Variants in PDE10A observed in about 807,000 individuals in gnomAD.
The protein encoded by PDE10A is cAMP and cAMP-inhibited cGMP 3',5'-cyclic phosphodiesterase 10A.
Under a neutral mutation model 97.7 loss-of-function variants are expected in PDE10A, and 39 were observed. The observed-to-expected ratio is 0.40, with a 90% CI of 0.31 to 0.52. PDE10A has a LOEUF of 0.52. PDE10A is among the 20% of genes least tolerant of loss of function. The pLI is 0.56. For missense variants in PDE10A, 731 were observed against 1,047.8 expected (o/e 0.70, Z 4.17); for synonymous variants, 371 against 376.8 (o/e 0.98, Z 0.18).
intron 2 of PDE10A, among the ~76,000 whole-genome samples, chr6:165,526,740 C>G (rs1476418042): frequency 6.6e-6 from 1 of 152,208 alleles, no homozygotes; most frequent in African/African-American, 2.4e-5. Flanking sequence ...ATTAACACAT[C>G]TCCTGGTACC....
At chr6:165,723,196 G>T (rs558780440) in intron 1 of PDE10A, among the ~76,000 whole-genome samples, 1 of 152,250 alleles carries the variant, frequency 6.6e-6, no homozygotes, top group Non-Finnish European at 1.5e-5. Context: ...CATGCACTTG[G>T]AGGCACCAGG....
intron 12 of PDE10A, among the ~76,000 whole-genome samples, chr6:165,414,657 CAT>C (rs1788174722): frequency 1.3e-5 from 2 of 152,182 alleles, no homozygotes; most frequent in Admixed American, 1.3e-4. Flanking sequence ...ACTGTAGCAC[CAT>C]ATGTTTTCAT....
intron 15 of PDE10A, among the ~76,000 whole-genome samples, chr6:165,394,513 T>C (rs775213936): frequency 6.6e-6 from 1 of 152,162 alleles, no homozygotes; most frequent in African/African-American, 2.4e-5. Flanking sequence ...TTATGAACAG[T>C]GCCACAATAA....
At chr6:165,838,973 C>T (rs749739325) in intron 1 of PDE10A, among the ~76,000 whole-genome samples, 1 of 152,180 alleles carries the variant, frequency 6.6e-6, no homozygotes, top group Admixed American at 6.5e-5. Flanking sequence ...AATCAGGAAC[C>T]GTGACTGGTG....
intron 1 of PDE10A, among the ~76,000 whole-genome samples, chr6:165,805,746 A>G (rs1779119486): frequency 6.6e-6 from 1 of 152,118 alleles, no homozygotes; most frequent in Non-Finnish European, 1.5e-5. Context: ...TCTCAGAGGT[A>G]AAAGAACTGC....
rs140312436 is a variant in PDE10A at position 165,711,933 on chromosome 6, A to T, written c.-614-168365T>A. 9.7e-4 allele frequency among the ~76,000 whole-genome samples: 147 copies of T among 152,296 alleles called. 1 individual carries two copies. The South Asian group carries it at 0.013, about 14-fold the overall frequency. On this transcript the variant is annotated intron_variant, in intron 1 of 19. Transcript: ENST00000366882. This position sits in a 1 kb window ranked among gnomAD's most constrained non-coding sequence, Gnocchi z 4.5. Reference sequence around the variant, plus strand: ...GGCAACCTGATCAGTGACATACTTCACAAGTGTTTAATATTTGAAAGAAAC... The same window carrying T: ...GGCAACCTGATCAGTGACATACTTCTCAAGTGTTTAATATTTGAAAGAAAC...
At chr6:165,459,365 A>C (rs1041898271) in intron 3 of PDE10A, among the ~76,000 whole-genome samples, 2 of 152,062 alleles carry the variant, frequency 1.3e-5, no homozygotes, top group African/African-American at 2.4e-5. Flanking sequence ...TTTGTCACAT[A>C]CTTTGCCAGC....
chr6:165,933,227 G>A (rs1783198688), intron 1 of PDE10A, among the ~76,000 whole-genome samples: 1 of 152,168 alleles, frequency 6.6e-6, no homozygotes, highest in African/African-American at 2.4e-5. Flanking sequence ...TATGTTGTCA[G>A]TGGGCACCAG....
rs113286628 is a variant in PDE10A, at chr6:165,573,344, T to C, written c.866-29776A>G. Among the ~76,000 whole-genome samples, 856 of 152,046 alleles carry C rather than the reference T, an allele frequency of 5.6e-3. 7 individuals carry two copies. Among genetic ancestry groups the C allele is most frequent in the African/African-American group, 0.019 (803 of 41,498 alleles). On this transcript the variant is annotated intron_variant, in intron 1 of 21. Transcript: ENST00000539869. Reference sequence around the variant, plus strand: ...TGCATTAGTAGATTACTACTAGTCTTGAACAGTTCCATCTCATGAATCTAA... The same window carrying C: ...TGCATTAGTAGATTACTACTAGTCTCGAACAGTTCCATCTCATGAATCTAA...
chr6:165,831,597 C>A (rs1046553238), intron 1 of PDE10A, among the ~76,000 whole-genome samples: 21 of 150,926 alleles, frequency 1.4e-4, no homozygotes, highest in African/African-American at 5.1e-4. Flanking sequence ...CCTGCCTCAG[C>A]CTCCTGAGTA....
intron 1 of PDE10A, among the ~76,000 whole-genome samples, chr6:165,749,261 T>G (rs796784083): frequency 1.6e-4 from 11 of 69,060 alleles, no homozygotes; most frequent in East Asian, 4.0e-4. Context: ...TCATCACCAT[T>G]ACCACCATCA....
intron 1 of PDE10A, among the ~76,000 whole-genome samples, chr6:165,901,270 T>C (rs78709253): frequency 0.094 from 14,331 of 152,146 alleles, 829 homozygotes; most frequent in African/African-American, 0.16. Context: ...CCACACCACA[T>C]GGCAAAAAGG....
chr6:165,801,146 G>A (rs1223586484), intron 1 of PDE10A, among the ~76,000 whole-genome samples: 1 of 152,232 alleles, frequency 6.6e-6, no homozygotes, highest in Non-Finnish European at 1.5e-5. Flanking sequence ...CCATGTCAGT[G>A]TCCATAATAG....
intron 1 of PDE10A, among the ~76,000 whole-genome samples, chr6:165,641,169 G>A (rs1339930821): frequency 6.6e-6 from 1 of 152,012 alleles, no homozygotes; most frequent in East Asian, 1.9e-4. Flanking sequence ...GCCAGTAAGG[G>A]GTGACTGACG....
At chr6:165,448,624 C>G (rs548442562) in intron 5 of PDE10A, among the ~76,000 whole-genome samples, 29 of 152,174 alleles carry the variant, frequency 1.9e-4, no homozygotes, top group African/African-American at 7.0e-4. Context: ...CATCCCAGCT[C>G]ACAGTGCCAA....
At chr6:165,601,740 C>G (rs1786962304) in intron 1 of PDE10A, among the ~76,000 whole-genome samples, 1 of 152,142 alleles carries the variant, frequency 6.6e-6, no homozygotes, top group African/African-American at 2.4e-5. Context: ...TTTATTTGCT[C>G]TTGGGTACAT....
chr6:165,709,682 TC>T (rs1424678773), intron 1 of PDE10A, among the ~76,000 whole-genome samples: 1 of 26,352 alleles, frequency 3.8e-5, no homozygotes, highest in East Asian at 1.9e-3. Flanking sequence ...CTCCCCCGCC[TC>T]CACTCTCCAC....
intron 1 of PDE10A, among the ~76,000 whole-genome samples, chr6:165,828,404 A>C (rs1779819325): frequency 6.6e-6 from 1 of 152,202 alleles, no homozygotes; most frequent in African/African-American, 2.4e-5. Flanking sequence ...GGGTGTTGGG[A>C]CAGAAGTGTA....
chr6:165,565,349 A>G (rs1412759253), intron 1 of PDE10A, among the ~76,000 whole-genome samples: 1 of 152,202 alleles, frequency 6.6e-6, no homozygotes, highest in East Asian at 1.9e-4. Context: ...TATCATTTGC[A>G]CTAGCACTCA....
Sources: allele counts gnomAD v4.1 joint callset (sites outside exome capture counted in the v4.1 genomes callset), GRCh38; gene constraint gnomAD v4.1.1; non-coding constraint Gnocchi (gnomAD v3.1); transcripts MANE v1.5; gene names NCBI Gene and HGNC (gene_info 2026-07-23, HGNC 2026-07-21).